PHACTR4: variants seen among roughly 807,000 people sequenced by gnomAD.
The protein encoded by PHACTR4 is phosphatase and actin regulator 4, also known as protein phosphatase 1, regulatory subunit 124.
Under a neutral mutation model 72.7 loss-of-function variants are expected in PHACTR4, and 51 were observed. That is an observed-to-expected ratio of 0.70 (90% CI 0.56 to 0.89). PHACTR4 has a LOEUF of 0.89. Ranked by LOEUF, PHACTR4 falls within the 40% of genes least tolerant of loss-of-function variation. PHACTR4 has a pLI of 0.00. For missense variants in PHACTR4, 731 were observed against 861.8 expected (o/e 0.85, Z 1.90); for synonymous variants, 255 against 302.5 (o/e 0.84, Z 1.63).
At chr1:28,411,692 T>C (rs1654799673) in intron 2 of PHACTR4, among the ~76,000 whole-genome samples, 1 of 152,176 alleles carries the variant, frequency 6.6e-6, no homozygotes, top group African/African-American at 2.4e-5. Context: ...AGACTACACA[T>C]TGGGTACAGT....
At chr1:28,421,617 G>C (rs965535423) in intron 2 of PHACTR4, among the ~76,000 whole-genome samples, 2 of 152,104 alleles carry the variant, frequency 1.3e-5, no homozygotes, top group African/African-American at 4.8e-5. Context: ...TAATTTAGAT[G>C]CTCTAAAACG....
chr1:28,466,766 T>C lies in PHACTR4; in HGVS notation c.821T>C (p.Ile274Thr). ...GCTCACAGAAATAGCAACCCTGTCA[T>C]TGGTAAGTAAGTCTTTAGGCTTCCA... The part of the protein sequence containing the change: ...KPAHRNSNPV[I>T]AELSQAINSG... Residue 274 changes from isoleucine to threonine, a missense_variant and splice_region_variant, in exon 6 of 14, where the codon ATT becomes ACT. By Grantham distance (89) the Ile-to-Thr change is moderately conservative. This residue lies in a region of PHACTR4 where 621 missense variants were observed against 676.6 expected (regional missense o/e 0.92). Transcript: ENST00000373839. The C allele has an allele frequency of 6.2e-7, 1 of 1,608,480 alleles. No individual in the cohort carries two copies.
intron 2 of PHACTR4, among the ~76,000 whole-genome samples, chr1:28,450,029 A>C (rs1421024417): frequency 6.6e-6 from 1 of 152,118 alleles, no homozygotes; most frequent in Non-Finnish European, 1.5e-5. Context: ...TGAATGAGGG[A>C]GTAAGTAGTT....
At chr1:28,474,299 C>T (rs375392768) in intron 7 of PHACTR4, 148 bp downstream of exon 7, 22 of 727,014 alleles carry the variant, frequency 3.0e-5, no homozygotes, top group East Asian at 1.5e-4. Context: ...GCAAATGGAC[C>T]GATCACCTGA....
At chr1:28,407,609 G>T in intron 2 of PHACTR4, 146 bp downstream of exon 2, 1 of 540,496 alleles carries the variant, frequency 1.9e-6, no homozygotes, top group Non-Finnish European at 3.1e-6. Context: ...GCTTCTATAA[G>T]AATTCAGTTA....
intron 9 of PHACTR4, among the ~76,000 whole-genome samples, chr1:28,487,537 A>AG (rs778653003): frequency 6.4e-4 from 93 of 146,358 alleles, no homozygotes; most frequent in African/African-American, 2.2e-3. Flanking sequence ...AAAAAAAAAA[A>AG]GGAAGGTCTT....
chr1:28,371,841 G>T (rs896518882), intron 1 of PHACTR4, among the ~76,000 whole-genome samples: 2 of 151,860 alleles, frequency 1.3e-5, no homozygotes, highest in Admixed American at 1.3e-4. Context: ...GGGCTCAAGT[G>T]ATCCTCCCTC....
chr1:28,431,708 G>T (rs2124379044), intron 2 of PHACTR4, among the ~76,000 whole-genome samples: 1 of 152,292 alleles, frequency 6.6e-6, no homozygotes, highest in Non-Finnish European at 1.5e-5. Flanking sequence ...ACCTGGGAAA[G>T]ATATTCCACA....
At chr1:28,427,113 GA>G (rs1655919281) in intron 2 of PHACTR4, among the ~76,000 whole-genome samples, 1 of 152,184 alleles carries the variant, frequency 6.6e-6, no homozygotes, top group Non-Finnish European at 1.5e-5. Flanking sequence ...TTTGAGAACT[GA>G]GCAGCAAGTT....
chr1:28,491,464 A>C (rs557094925), intron 11 of PHACTR4, among the ~76,000 whole-genome samples, 186 bp from the exon 12 acceptor site: 42 of 151,980 alleles, frequency 2.8e-4, no homozygotes, highest in Admixed American at 1.2e-3. Context: ...TCTCAAAAAA[A>C]AAAACAAAAC....
At chr1:28,447,965 G>A (rs909582407) in intron 2 of PHACTR4, among the ~76,000 whole-genome samples, 1 of 152,096 alleles carries the variant, frequency 6.6e-6, no homozygotes, top group Non-Finnish European at 1.5e-5. Flanking sequence ...TTTTGCCGAA[G>A]TTTTCTGAAA....
chr1:28,410,324 C>T (rs752322752), intron 2 of PHACTR4, among the ~76,000 whole-genome samples: 3 of 150,534 alleles, frequency 2.0e-5, no homozygotes, highest in South Asian at 2.1e-4. Flanking sequence ...ATTTGGTAAA[C>T]TGAGTTTTAT....
At chr1:28,382,041 T>A (rs2124148120) in intron 1 of PHACTR4, among the ~76,000 whole-genome samples, 1 of 152,370 alleles carries the variant, frequency 6.6e-6, no homozygotes, top group Admixed American at 6.5e-5. Context: ...GTGTTGGGAT[T>A]ACAGGCGTGA....
At chr1:28,456,922 GATA>G (rs1284560432) in intron 2 of PHACTR4, among the ~76,000 whole-genome samples, 2 of 64,950 alleles carry the variant, frequency 3.1e-5, no homozygotes, top group African/African-American at 1.8e-4. Context: ...GAGACAGATA[GATA>G]GATAGATAGA....
chr1:28,397,605 A>AT (rs1653610166), intron 1 of PHACTR4, among the ~76,000 whole-genome samples: 1 of 152,196 alleles, frequency 6.6e-6, no homozygotes, highest in South Asian at 2.1e-4. Flanking sequence ...GAGTAGATTA[A>AT]TTTATATTTG....
intron 8 of PHACTR4, among the ~76,000 whole-genome samples, chr1:28,477,640 T>G (rs1366466925): frequency 6.6e-6 from 1 of 152,180 alleles, no homozygotes; most frequent in South Asian, 2.1e-4. Flanking sequence ...TCTTGAAATA[T>G]ACAATGAATT....
At chr1:28,435,944 C>G (rs1396300653) in intron 2 of PHACTR4, among the ~76,000 whole-genome samples, 2 of 152,150 alleles carry the variant, frequency 1.3e-5, no homozygotes, top group Non-Finnish European at 2.9e-5. Context: ...TTTCCTTTTA[C>G]TTTCTTTCCT....
chr1:28,387,447 A>G (rs572644262), intron 1 of PHACTR4, among the ~76,000 whole-genome samples: 1 of 152,282 alleles, frequency 6.6e-6, no homozygotes, highest in South Asian at 2.1e-4. Flanking sequence ...AACTGTATAG[A>G]ACCAATCATA....
intron 8 of PHACTR4, among the ~76,000 whole-genome samples, chr1:28,477,069 CATAAAAGATA>C (rs1659972505): frequency 6.6e-6 from 1 of 150,410 alleles, no homozygotes; most frequent in Non-Finnish European, 1.5e-5. Context: ...CGTGCCTGGC[CATAAAAGATA>C]TATATATAAT....
Sources: allele counts gnomAD v4.1 joint callset (sites outside exome capture counted in the v4.1 genomes callset), GRCh38; gene constraint gnomAD v4.1.1; regional missense constraint gnomAD v4.1.1; transcripts MANE v1.5; gene names NCBI Gene and HGNC (gene_info 2026-07-23, HGNC 2026-07-21).